STRN3: variants seen among roughly 807,000 people sequenced by gnomAD.
STRN3 encodes striatin 3.
A neutral mutation model predicts 95.6 loss-of-function variants in STRN3; 29 were observed. That is an observed-to-expected ratio of 0.30 (90% CI 0.23 to 0.41). The LOEUF is 0.41. STRN3 is among the 10% of genes least tolerant of loss of function. STRN3 has a pLI of 1.00. For synonymous variants in STRN3, 331 were observed against 357.6 expected (o/e 0.93, Z 0.84); for missense variants, 890 against 972.1 (o/e 0.92, Z 1.12).
At chr14:30,902,216 G>GAAAAA (rs1896341598) in intron 16 of STRN3, among the ~76,000 whole-genome samples, 1 of 110,072 alleles carries the variant, frequency 9.1e-6, no homozygotes, top group South Asian at 3.4e-4. Flanking sequence ...AAATGGAAAT[G>GAAAAA]CCAAACACCA....
At chr14:30,941,207 G>A (rs1879077062) in intron 5 of STRN3, among the ~76,000 whole-genome samples, 1 of 152,126 alleles carries the variant, frequency 6.6e-6, no homozygotes, top group Non-Finnish European at 1.5e-5. Context: ...ACGGTATTTT[G>A]TTACAGCAGC....
chr14:30,942,963 T>C (rs1879165776), intron 5 of STRN3, among the ~76,000 whole-genome samples: 1 of 152,242 alleles, frequency 6.6e-6, no homozygotes, highest in Non-Finnish European at 1.5e-5. Context: ...AAGTGATGGC[T>C]AGTAACTAGT....
At chr14:30,928,801 G>C (rs1413084153) in intron 8 of STRN3, among the ~76,000 whole-genome samples, 1 of 152,076 alleles carries the variant, frequency 6.6e-6, no homozygotes, top group African/African-American at 2.4e-5. Context: ...CTGTAGGTAA[G>C]GATTCCCAAA....
At chr14:30,955,209 G>A (rs1879841597) in intron 3 of STRN3, among the ~76,000 whole-genome samples, 1 of 152,120 alleles carries the variant, frequency 6.6e-6, no homozygotes, top group Non-Finnish European at 1.5e-5. Flanking sequence ...AAGTTCTGCT[G>A]CTAAGACTGA....
intron 8 of STRN3, among the ~76,000 whole-genome samples, chr14:30,923,855 C>CAG (rs1417267887): frequency 6.6e-6 from 1 of 152,046 alleles, no homozygotes; most frequent in Non-Finnish European, 1.5e-5. Context: ...CATATTCTAA[C>CAG]TAAAGCCTCC....
chr14:30,964,943 A>G (rs1394479384), intron 1 of STRN3, among the ~76,000 whole-genome samples: 1 of 151,668 alleles, frequency 6.6e-6, no homozygotes, highest in East Asian at 1.9e-4. Flanking sequence ...AAAAAAAAAG[A>G]GAGTCTTGGT....
At chr14:30,996,876 A>AG (rs1382076702) in intron 1 of STRN3, among the ~76,000 whole-genome samples, 2 of 152,202 alleles carry the variant, frequency 1.3e-5, no homozygotes, top group East Asian at 3.8e-4. Context: ...AAAAAAAAAA[A>AG]AATTGTAATG....
chr14:30,967,242 G>T (rs908565024), intron 1 of STRN3, among the ~76,000 whole-genome samples: 2 of 142,170 alleles, frequency 1.4e-5, no homozygotes, highest in African/African-American at 5.2e-5. Context: ...GGGGCAGGGT[G>T]GGGGGGAAGA....
chr14:30,970,405 G>A (rs914083567), intron 1 of STRN3, among the ~76,000 whole-genome samples: 2 of 152,178 alleles, frequency 1.3e-5, no homozygotes, highest in African/African-American at 4.8e-5. Flanking sequence ...GCCCCAAACA[G>A]TTTTTGTAAT....
chr14:30,921,042 A>G (rs1896865170), intron 8 of STRN3, among the ~76,000 whole-genome samples: 1 of 149,390 alleles, frequency 6.7e-6, no homozygotes, highest in Non-Finnish European at 1.5e-5. Context: ...CATTCTCAGA[A>G]AGGTGAGAAG....
chr14:30,960,037 C>G (rs1282293208), intron 1 of STRN3, among the ~76,000 whole-genome samples: 1 of 152,000 alleles, frequency 6.6e-6, no homozygotes, highest in Non-Finnish European at 1.5e-5. Flanking sequence ...ATTCAAATTA[C>G]CTAGAACAGC....
intron 13 of STRN3, among the ~76,000 whole-genome samples, chr14:30,909,923 C>T (rs1448542300): frequency 6.6e-6 from 1 of 152,212 alleles, no homozygotes; most frequent in Non-Finnish European, 1.5e-5. Flanking sequence ...TTCTACCACA[C>T]TCCCTCAGCG....
intron 1 of STRN3, among the ~76,000 whole-genome samples, chr14:31,006,556 C>T (rs1882726339): frequency 6.6e-6 from 1 of 151,978 alleles, no homozygotes; most frequent in Non-Finnish European, 1.5e-5. Flanking sequence ...AAAGGCTGGG[C>T]ATGGTGGTGG....
intron 5 of STRN3, among the ~76,000 whole-genome samples, chr14:30,942,901 T>C (rs898074637): frequency 6.6e-6 from 1 of 152,198 alleles, no homozygotes; most frequent in East Asian, 1.9e-4. Flanking sequence ...CTTCCTCACA[T>C]CAATCCTATG....
intron 1 of STRN3, among the ~76,000 whole-genome samples, chr14:31,017,221 C>T (rs368045157): frequency 5.9e-4 from 89 of 152,046 alleles, no homozygotes; most frequent in African/African-American, 1.1e-3. Context: ...TAATCTAGGC[C>T]GGGCGCAGTG....
At chr14:30,926,594 CTTATA>C (rs1897035509) in intron 8 of STRN3, among the ~76,000 whole-genome samples, 1 of 151,500 alleles carries the variant, frequency 6.6e-6, no homozygotes, top group African/African-American at 2.4e-5. Flanking sequence ...TATAATACTT[CTTATA>C]TTATCTGAAT....
rs373153356 is a variant in STRN3 at position 30,935,148 on chromosome 14, T to A, written c.988+15A>T. The A allele has an allele frequency of 2.1e-5, 34 of 1,611,026 alleles. No individual in the cohort carries two copies. Among genetic ancestry groups the A allele is most frequent in the Non-Finnish European group, 2.7e-5 (32 of 1,178,866 alleles). On this transcript the variant is annotated intron_variant, in intron 7 of 17. Coordinates refer to ENST00000357479, the MANE Select transcript of STRN3 (RefSeq NM_001083893.2). ...GCTAGATTTCCTCCCACCCGGTATT[T>A]CTTTATCACCTTACCCCATTCTGTG... is the stretch of plus-strand genomic sequence containing the variant.
At chr14:30,991,865 T>C (rs1041286008) in intron 1 of STRN3, among the ~76,000 whole-genome samples, 3 of 151,192 alleles carry the variant, frequency 2.0e-5, no homozygotes, top group African/African-American at 7.3e-5. Context: ...TGGGGAGGCA[T>C]GCTTGTGGCC....
intron 6 of STRN3, 79 bp downstream of exon 6, chr14:30,936,416 G>T: frequency 6.8e-7 from 1 of 1,472,146 alleles, no homozygotes; most frequent in Non-Finnish European, 9.1e-7. Context: ...CACTCCCAAT[G>T]TAACTTAAGA....
Sources: gnomAD v4.1 joint callset for allele counts (sites outside exome capture counted in the v4.1 genomes callset) on GRCh38, gnomAD v4.1.1 for gene constraint, MANE v1.5 for transcripts, NCBI Gene and HGNC (gene_info 2026-07-23, HGNC 2026-07-21) for gene names.